Variants in SLC38A1 observed in about 807,000 individuals in gnomAD.
SLC38A1 encodes sodium-coupled neutral amino acid symporter 1.
In SLC38A1, 18 loss-of-function variants were observed where a neutral mutation model predicts 60.3. That is an observed-to-expected ratio of 0.30 (90% CI 0.21 to 0.44). SLC38A1 has a LOEUF of 0.44. Ranked by LOEUF, SLC38A1 falls within the 20% of genes least tolerant of loss-of-function variation. The pLI, the probability that SLC38A1 is intolerant of heterozygous loss-of-function variation, is 1.00. For synonymous variants in SLC38A1, 196 were observed against 212.1 expected, an observed-to-expected ratio of 0.92 and a Z score of 0.66; for missense variants, 448 against 587.2, an observed-to-expected ratio of 0.76 and a Z score of 2.45.
chr12:46,262,424 G>A (rs974889876), intron 1 of SLC38A1, among the ~76,000 whole-genome samples: 1 of 151,706 alleles, frequency 6.6e-6, no homozygotes, highest in Non-Finnish European at 1.5e-5. Flanking sequence ...TTAGAACAGT[G>A]AGTGTATATG....
intron 3 of SLC38A1, 67 bp from the exon 4 acceptor site, chr12:46,229,706 T>A: frequency 7.4e-7 from 1 of 1,352,238 alleles, no homozygotes; most frequent in Non-Finnish European, 1.1e-6. Flanking sequence ...CTTTACTAAA[T>A]GATATGTTAC....
At chr12:46,263,900 T>C (rs1230516102) in intron 1 of SLC38A1, among the ~76,000 whole-genome samples, 1 of 152,258 alleles carries the variant, frequency 6.6e-6, no homozygotes, top group African/African-American at 2.4e-5. Flanking sequence ...CTACTAAGAC[T>C]AAGACTTTGT....
chr12:46,209,404 A>G (rs1940049148), intron 5 of SLC38A1, among the ~76,000 whole-genome samples: 1 of 152,212 alleles, frequency 6.6e-6, no homozygotes, highest in Non-Finnish European at 1.5e-5. Context: ...GATGACTTTA[A>G]AACAACATTA....
At chr12:46,234,216 T>A (rs1372605677) in intron 3 of SLC38A1, among the ~76,000 whole-genome samples, 4 of 152,228 alleles carry the variant, frequency 2.6e-5, no homozygotes, top group Non-Finnish European at 5.9e-5. Flanking sequence ...GTGCTGTCTC[T>A]CAGCTCCTTC....
Position 46,201,197 on chromosome 12 carries a change from G to C in SLC38A1, c.904C>G (p.Arg302Gly), listed in dbSNP as rs907923649. The C allele has an allele frequency of 5.0e-6, 8 of 1,610,204 alleles. No individual in the cohort carries two copies. ...ACCATCTGCATTTTTTTCTGTGATCGGCTAAAAACAAATAAATGTTAAAAA... is the reference window on the plus strand; with the variant it reads ...ACCATCTGCATTTTTTTCTGTGATCCGCTAAAAACAAATAAATGTTAAAAA... The part of the protein sequence containing the change: ...VLPIYSELKD[R>G]SQKKMQMVSN... Residue 302 changes from arginine to glycine, a missense_variant and splice_region_variant, in exon 13 of 17, where the codon CGA (arginine) becomes GGA (glycine). Transcript: ENST00000398637.
rs770517681 is a variant in SLC38A1, at chr12:46,198,690, T to A, written c.1057A>T (p.Ile353Phe). ...ATGACAGCCAGCCGCACTGTCAGGA[T>A]GAGAATGTCATCTTTACTCTGATAT... Reference protein sequence around the residue: ...HKYQSKDDILILTVRLAVIVA... With the variant: ...HKYQSKDDILFLTVRLAVIVA... The change falls in exon 14 of 17, where the codon ATC becomes TTC. Residue 353 changes from isoleucine to phenylalanine, a missense_variant. Around this residue, in one of 2 missense-constraint regions of SLC38A1, gnomAD observed 346 missense variants for 497.5 expected, o/e 0.70. Coordinates refer to ENST00000398637, the MANE Select transcript of SLC38A1 (RefSeq NM_030674.4). 3 of 1,613,360 alleles carry A rather than the reference T, an allele frequency of 1.9e-6. No homozygotes were observed. Among genetic ancestry groups the A allele is most frequent in the Admixed American group, 1.7e-5 (1 of 59,912 alleles).
intron 5 of SLC38A1, among the ~76,000 whole-genome samples, chr12:46,213,196 A>T (rs1342385383): frequency 6.6e-6 from 1 of 152,198 alleles, no homozygotes; most frequent in Non-Finnish European, 1.5e-5. Context: ...TCTCTGAGTC[A>T]GACATCTTTC....
chr12:46,239,852 A>G lies in SLC38A1; in HGVS notation c.-52T>C, dbSNP rs1351173121. ...ATTAGTCCAAATTTCTCCTGTTCTG[A>G]GTGTATTTAGAAGTAGATACCAAAA... On this transcript the variant is annotated 5_prime_UTR_variant, in exon 3 of 17. Coordinates refer to ENST00000398637, the MANE Select transcript of SLC38A1 (RefSeq NM_030674.4). 1 of 1,600,978 alleles carries G rather than the reference A, an allele frequency of 6.2e-7. No individual in the cohort carries two copies. The highest frequency in any genetic ancestry group is 8.5e-7 in the Non-Finnish European group (1 of 1,173,464).
intron 11 of SLC38A1, among the ~76,000 whole-genome samples, chr12:46,204,018 T>C (rs1033396971): frequency 6.6e-6 from 1 of 152,192 alleles, no homozygotes; most frequent in Non-Finnish European, 1.5e-5. Flanking sequence ...AAGGATGTTG[T>C]TAGTCTGTTT....
chr12:46,255,594 A>G (rs1941992923), intron 1 of SLC38A1, among the ~76,000 whole-genome samples: 1 of 152,188 alleles, frequency 6.6e-6, no homozygotes, highest in Admixed American at 6.5e-5. Context: ...CCAAAAACAC[A>G]TTTCACTTTT....
chr12:46,208,144 C>A (rs1474579532), intron 6 of SLC38A1, among the ~76,000 whole-genome samples: 1 of 152,156 alleles, frequency 6.6e-6, no homozygotes, highest in Non-Finnish European at 1.5e-5. Context: ...ACATACAAAA[C>A]CTAATTATTC....
intron 5 of SLC38A1, among the ~76,000 whole-genome samples, chr12:46,210,619 G>A (rs986911667): frequency 6.6e-6 from 1 of 152,058 alleles, no homozygotes; most frequent in African/African-American, 2.4e-5. Context: ...GGAGGGACCC[G>A]GTGGGAGATA....
intron 1 of SLC38A1, among the ~76,000 whole-genome samples, chr12:46,250,275 C>T (rs1941788922): frequency 2.0e-5 from 3 of 152,252 alleles, no homozygotes; most frequent in South Asian, 2.1e-4. Context: ...AGGCCTTCGA[C>T]AAAATTCAAC....
intron 3 of SLC38A1, among the ~76,000 whole-genome samples, chr12:46,236,976 A>C (rs945322220): frequency 2.6e-5 from 4 of 152,228 alleles, no homozygotes; most frequent in African/African-American, 4.8e-5. Context: ...TACAACCCCA[A>C]AATTTGGGCA....
At chr12:46,253,206 G>A (rs1449529655) in intron 1 of SLC38A1, among the ~76,000 whole-genome samples, 2 of 152,124 alleles carry the variant, frequency 1.3e-5, no homozygotes, top group African/African-American at 4.8e-5. Context: ...GACCAGAAGT[G>A]TTACAAGAAA....
At chr12:46,207,479 T>C (rs765768404) in intron 7 of SLC38A1, 50 bp downstream of exon 7, 1 of 1,504,902 alleles carries the variant, frequency 6.6e-7, no homozygotes, top group South Asian at 1.1e-5. Flanking sequence ...TGGCCGCTCA[T>C]CCACCAGAAT....
In SLC38A1 at chr12:46,209,126, C is replaced by T. The variant is rs373204088; in HGVS notation, c.316G>A (p.Val106Ile). The change falls in exon 6 of 17, where the codon GTA (valine) becomes ATA (isoleucine). Residue 106 changes from valine (V) to isoleucine (I), a missense_variant and splice_region_variant. Physicochemically the swap from Val to Ile is conservative, Grantham distance 29 (BLOSUM62 3). Around this residue, in one of 2 missense-constraint regions of SLC38A1, gnomAD observed 346 missense variants for 497.5 expected, o/e 0.70. Transcript: ENST00000398637. ...LANTGILLFL[V>I]LLTSVTLLSI... The stretch of plus-strand genomic sequence containing the variant: ...AGCAATGTCACTGAAGTCAAAAGTA[C>T]CCTAAAGCAAAGAAAATAAATCTTA... 3 of 1,592,110 alleles carry T rather than the reference C, an allele frequency of 1.9e-6. No homozygotes were observed. The highest frequency in any genetic ancestry group is 1.7e-6 in the Non-Finnish European group (2 of 1,161,894).
Position 46,214,065 on chromosome 12 carries a change from G to T in SLC38A1, c.315-4938C>A, listed in dbSNP as rs538326098. On this transcript the variant is annotated intron_variant, in intron 5 of 16. Coordinates refer to ENST00000398637, the MANE Select transcript of SLC38A1 (RefSeq NM_030674.4). The stretch of plus-strand genomic sequence containing the variant: ...AGTGACTATTTAGAAAAACTTTGTT[G>T]GTTTCTACAGAGTAATCTTTTCTGC... Among the ~76,000 whole-genome samples the T allele has an allele frequency of 2.0e-5, 3 of 152,270 alleles. No individual in the cohort carries two copies. In the South Asian group the frequency reaches 6.2e-4, roughly 32 times the overall value.
chr12:46,197,757 G>A lies in SLC38A1; in HGVS notation c.1325C>T (p.Thr442Ile), dbSNP rs372380276. The change falls in exon 16 of 17, where the codon ACA becomes ATA. Residue 442 changes from threonine to isoleucine, a missense_variant. Thr to Ile is a moderately conservative substitution (Grantham distance 89). Coordinates refer to ENST00000398637, the MANE Select transcript of SLC38A1 (RefSeq NM_030674.4). ...AGTTCCTTTATCTCCATCCTGGTCTGTGATTTTTAAATAAAGAGATGAAGG... is the reference window on the plus strand; with the variant it reads ...AGTTCCTTTATCTCCATCCTGGTCTATGATTTTTAAATAAAGAGATGAAGG... ...ILPSSLYLKI[T>I]DQDGDKGTQR... 1.2e-6 allele frequency: 2 copies of A among 1,603,014 alleles called. No homozygotes were observed. The highest frequency in any genetic ancestry group is 1.3e-5 in the African/African-American group (1 of 74,118).
Sources: allele counts gnomAD v4.1 joint callset (sites outside exome capture counted in the v4.1 genomes callset), GRCh38; gene constraint gnomAD v4.1.1; regional missense constraint gnomAD v4.1.1; transcripts MANE v1.5; gene names NCBI Gene and HGNC (gene_info 2026-07-23, HGNC 2026-07-21).